Variants in DNMBP observed in about 807,000 individuals in gnomAD.
DNMBP encodes dynamin binding protein.
Under a neutral mutation model 150.0 loss-of-function variants are expected in DNMBP, and 87 were observed. The ratio of observed to expected loss-of-function variants is 0.58; its 90% CI spans 0.49 to 0.69. DNMBP has a LOEUF of 0.69. DNMBP is among the 30% of genes least tolerant of loss of function. The pLI is 0.00. For missense variants in DNMBP, 1,774 were observed against 1,949.0 expected (o/e 0.91, Z 1.69); for synonymous variants, 711 against 750.4 (o/e 0.95, Z 0.86).
chr10:99,893,172 G>C (rs2039598995), intron 11 of DNMBP, among the ~76,000 whole-genome samples: 3 of 152,166 alleles, frequency 2.0e-5, no homozygotes, highest in African/African-American at 7.2e-5. Flanking sequence ...AGTTAGCAAG[G>C]GATATTGCTT....
At chr10:99,966,346 T>C (rs2040619278) in intron 3 of DNMBP, among the ~76,000 whole-genome samples, 1 of 152,236 alleles carries the variant, frequency 6.6e-6, no homozygotes, top group African/African-American at 2.4e-5. Context: ...TCCTTTGGAT[T>C]CCACTTACAT....
chr10:99,986,040 G>A (rs1044167524), intron 1 of DNMBP, among the ~76,000 whole-genome samples: 1 of 152,066 alleles, frequency 6.6e-6, no homozygotes, highest in African/African-American at 2.4e-5. Context: ...TGTGAGCCAC[G>A]GTGCCTGGCC....
intron 11 of DNMBP, among the ~76,000 whole-genome samples, chr10:99,893,505 G>A (rs376125650): frequency 1.3e-5 from 2 of 152,088 alleles, no homozygotes; most frequent in African/African-American, 4.8e-5. Context: ...GAAGACCAAG[G>A]TGGGTGGATC....
At chr10:99,893,129 C>A (rs892274606) in intron 11 of DNMBP, among the ~76,000 whole-genome samples, 1 of 152,158 alleles carries the variant, frequency 6.6e-6, no homozygotes, top group Non-Finnish European at 1.5e-5. Flanking sequence ...CTCTTGCAGG[C>A]AAAGATAAAA....
At chr10:99,930,608 G>A (rs1269234510) in intron 4 of DNMBP, 1 of 702,810 alleles carries the variant, frequency 1.4e-6, no homozygotes, top group Non-Finnish European at 2.6e-6. Context: ...CCTTGGCCCA[G>A]TACCTGGGAT....
At chr10:99,922,453 A>G (rs2040032275) in intron 4 of DNMBP, among the ~76,000 whole-genome samples, 1 of 151,580 alleles carries the variant, frequency 6.6e-6, no homozygotes, top group African/African-American at 2.4e-5. Flanking sequence ...TTATGTAAAA[A>G]TAACATAGGT....
rs72240738 is a variant in DNMBP, at chr10:99,903,921, A to AT, written c.2555-3856dup. ...GCACTGTTTTGATGAAATAGAATGG[A>AT]TTTTTTTTTTTTTTCTGTAGAGACG... On this transcript the variant is annotated intron_variant, in intron 6 of 16. Transcript: ENST00000324109. Among the ~76,000 whole-genome samples the AT allele has an allele frequency of 6.8e-3, 985 of 144,076 alleles. 3 individuals are homozygous for AT. Among genetic ancestry groups the AT allele is most frequent in the African/African-American group, 9.2e-3 (365 of 39,508 alleles). 94.5% of individuals were successfully genotyped at this position (144,076 alleles called of 152,430 possible).
chr10:99,920,970 A>G (rs3127320), intron 4 of DNMBP, among the ~76,000 whole-genome samples: 152,298 of 152,312 alleles, frequency 1, 76,142 homozygotes, highest in Middle Eastern at 1. Context: ...GTGAGCCACC[A>G]TGCCCAGCCG....
In DNMBP at chr10:99,913,754, G is replaced by A. The variant is rs117676233; in HGVS notation, c.2261-4608C>T. Among the ~76,000 whole-genome samples, 174 of 152,164 alleles carry A rather than the reference G, an allele frequency of 1.1e-3. 3 individuals are homozygous for A. In the East Asian group the frequency reaches 0.03, roughly 27 times the overall value. On this transcript the variant is annotated intron_variant, in intron 4 of 16. Coordinates refer to ENST00000324109, the MANE Select transcript of DNMBP (RefSeq NM_015221.4). Reference sequence around the variant, plus strand: ...CGAAGGAAGGGAGTCATTAGCCCACGGCTTCCCACAACTCCATCACACACA... The same window carrying A: ...CGAAGGAAGGGAGTCATTAGCCCACAGCTTCCCACAACTCCATCACACACA...
At position 99,886,340 on chromosome 10, in the gene DNMBP, A is replaced by C. The variant is rs762986951; in HGVS notation, c.3578T>G (p.Phe1193Cys). ...TAATTGCTCCAGAGCCTGGTGCACA[A>C]AGTCACAGTGGGCTTCAGCATAGCC... ...VHGYAEAHCD[F>C]VHQALEQLKP... Residue 1193 changes from phenylalanine to cysteine, a missense_variant, in exon 13 of 17, where the codon TTT (phenylalanine) becomes TGT (cysteine). Physicochemically the swap from Phe to Cys is radical, Grantham distance 205. Around this residue, in one of 2 missense-constraint regions of DNMBP, gnomAD observed 1,430 missense variants for 1,492.5 expected, o/e 0.96. Transcript: ENST00000324109. The C allele has an allele frequency of 1.2e-6, 2 of 1,614,064 alleles. No individual in the cohort carries two copies.
intron 9 of DNMBP, 165 bp downstream of exon 9, chr10:99,897,920 AT>A (rs1209125716): frequency 2.7e-5 from 17 of 638,568 alleles, no homozygotes; most frequent in Non-Finnish European, 3.3e-5. Context: ...CTCAAAAAAA[AT>A]AATAATAAAA....
chr10:100,001,039 G>A (rs567229614), intron 1 of DNMBP, among the ~76,000 whole-genome samples: 3 of 150,594 alleles, frequency 2.0e-5, no homozygotes, highest in South Asian at 4.2e-4. Context: ...AGACCAGCCT[G>A]GCCAACATGG....
chr10:99,968,242 T>G (rs1444265686), intron 3 of DNMBP, among the ~76,000 whole-genome samples: 1 of 152,188 alleles, frequency 6.6e-6, no homozygotes. Flanking sequence ...TGCGGATGTT[T>G]TGCACCTATC....
At chr10:99,907,306 C>T (rs957811228) in intron 6 of DNMBP, among the ~76,000 whole-genome samples, 1 of 150,480 alleles carries the variant, frequency 6.6e-6, no homozygotes, top group Non-Finnish European at 1.5e-5. Context: ...CCAACCTGGG[C>T]GACAGTGTAA....
At chr10:100,005,703 G>A (rs1175792542) in intron 1 of DNMBP, among the ~76,000 whole-genome samples, 3 of 140,312 alleles carry the variant, frequency 2.1e-5, no homozygotes, top group African/African-American at 5.4e-5. Context: ...GCAGTGAGCC[G>A]AGATCTCGCC....
At chr10:99,985,844 G>A (rs529281975) in intron 1 of DNMBP, among the ~76,000 whole-genome samples, 62 of 152,288 alleles carry the variant, frequency 4.1e-4, no homozygotes, top group African/African-American at 1.3e-3. Flanking sequence ...TCTGCCTCCT[G>A]CACTCAAGTG....
At chr10:99,923,597 C>T (rs2040046329) in intron 4 of DNMBP, among the ~76,000 whole-genome samples, 1 of 152,104 alleles carries the variant, frequency 6.6e-6, no homozygotes, top group Admixed American at 6.5e-5. Context: ...CACCTCCATA[C>T]AGGCCCAGCT....
rs772987991 is a variant in DNMBP at position 99,956,103 on chromosome 10, GGCATAGTCTCTAGTCCT to G, written c.1354_1370del (p.Arg452GlnfsTer50). 1 of 1,614,170 alleles carries G rather than the reference GGCATAGTCTCTAGTCCT, an allele frequency of 6.2e-7. No individual in the cohort carries two copies. Among genetic ancestry groups the G allele is most frequent in the South Asian group, 1.1e-5 (1 of 91,082 alleles). On this transcript the variant is annotated frameshift_variant, in exon 4 of 17. Coordinates refer to ENST00000324109, the MANE Select transcript of DNMBP (RefSeq NM_015221.4). LOFTEE classifies it high-confidence loss of function. ...AATACATTCTTTTGGGAGGTAGGCT[GGCATAGTCTCTAGTCCT>G]TGCTTCTAGGGGAAGAAGGTCGGGG...
At chr10:99,966,245 C>G (rs1032425893) in intron 3 of DNMBP, among the ~76,000 whole-genome samples, 7 of 152,150 alleles carry the variant, frequency 4.6e-5, no homozygotes, top group Non-Finnish European at 7.4e-5. Flanking sequence ...AGTAGATTAT[C>G]ACAGAGAGGA....
Sources: gnomAD v4.1 joint callset for allele counts (sites outside exome capture counted in the v4.1 genomes callset) on GRCh38, gnomAD v4.1.1 for gene constraint, gnomAD v4.1.1 regional missense constraint, MANE v1.5 for transcripts, NCBI Gene and HGNC (gene_info 2026-07-23, HGNC 2026-07-21) for gene names.